KYAT1: variants seen among roughly 807,000 people sequenced by gnomAD.
KYAT1 encodes the protein kynurenine--oxoglutarate transaminase 1.
In KYAT1, 47 loss-of-function variants were observed where a neutral mutation model predicts 52.4. That is an observed-to-expected ratio of 0.90 (90% confidence interval 0.71 to 1.14). KYAT1 has a LOEUF of 1.14. Ranked by LOEUF, KYAT1 falls within the 50% of genes most tolerant of loss-of-function variation. The pLI, the probability that KYAT1 is intolerant of heterozygous loss-of-function variation, is 0.00. For missense variants in KYAT1, 480 were observed against 557.9 expected (o/e 0.86, Z 1.41); for synonymous variants, 212 against 209.6 (o/e 1.01, Z -0.10).
chr9:128,879,931 T>A (rs892515086), intron 1 of KYAT1, among the ~76,000 whole-genome samples: 1 of 152,138 alleles, frequency 6.6e-6, no homozygotes, highest in African/African-American at 2.4e-5. Flanking sequence ...CCCCCAGGCA[T>A]TAGCACAGAT....
chr9:128,864,088 C>T (rs182903468), intron 1 of KYAT1, among the ~76,000 whole-genome samples: 18 of 152,148 alleles, frequency 1.2e-4, no homozygotes, highest in Non-Finnish European at 2.4e-4. Flanking sequence ...TCAGGCCGGG[C>T]GCGGTGGCTC....
At chr9:128,867,687 A>G (rs966728400) in intron 1 of KYAT1, among the ~76,000 whole-genome samples, 2 of 152,228 alleles carry the variant, frequency 1.3e-5, no homozygotes, top group South Asian at 2.1e-4. Flanking sequence ...ACTAAAAGGA[A>G]TAAGATTGCT....
chr9:128,844,984 C>G (rs1356556786), intron 2 of KYAT1, among the ~76,000 whole-genome samples: 4 of 152,224 alleles, frequency 2.6e-5, no homozygotes, highest in Non-Finnish European at 4.4e-5. Flanking sequence ...TTATCTGACT[C>G]TATACCAAGT....
rs550753956 is a variant in KYAT1, at chr9:128,833,455, C to T, written c.*129G>A. The T allele has an allele frequency of 2.8e-5, 26 of 930,832 alleles. No individual in the cohort carries two copies. Among genetic ancestry groups the T allele is most frequent in the African/African-American group, 2.3e-4 (14 of 61,670 alleles). 57.7% of individuals were successfully genotyped at this position (930,832 alleles called of 1,614,324 possible). A position where few individuals can be genotyped will look rare whatever the true frequency, so the allele number is the denominator to read the frequency against. On this transcript the variant is annotated 3_prime_UTR_variant, in exon 13 of 13. Coordinates refer to ENST00000302586, the MANE Select transcript of KYAT1 (RefSeq NM_004059.5). Reference sequence around the variant, plus strand: ...GGCTCCCACCCAGAACATTCTGTGTCACGGAGAAGAGGTTTCCCAATAGCA... The same window carrying T: ...GGCTCCCACCCAGAACATTCTGTGTTACGGAGAAGAGGTTTCCCAATAGCA...
At chr9:128,845,727 G>A (rs899243708) in intron 1 of KYAT1, among the ~76,000 whole-genome samples, 1 of 152,196 alleles carries the variant, frequency 6.6e-6, no homozygotes, top group African/African-American at 2.4e-5. Context: ...GACTTGGCCA[G>A]GTTAAAGTCT....
rs761461352 is a variant in KYAT1, at chr9:128,835,517, C to G, written c.1006G>C (p.Gly336Arg). The change falls in exon 10 of 13, where the codon GGC (glycine) becomes CGC (arginine). Residue 336 changes from glycine to arginine, a missense_variant. Physicochemically the swap from Gly to Arg is moderately radical, Grantham distance 125. Coordinates refer to ENST00000302586, the MANE Select transcript of KYAT1 (RefSeq NM_004059.5). ...SVGLKPIIPQGSYFLITDISD... is the reference protein window; with the variant it reads ...SVGLKPIIPQRSYFLITDISD... The stretch of plus-strand genomic sequence containing the variant: ...ATGTCTGTGATGAGGAAGTAGCTGC[C>G]CTGAGGGATGATGGGCTTCAGGCCC... The G allele has an allele frequency of 1.9e-6, 3 of 1,613,652 alleles. No homozygotes were observed. Among genetic ancestry groups the G allele is most frequent in the Middle Eastern group, 1.6e-4 (1 of 6,084 alleles).
chr9:128,842,376 C>G (rs1832349632), intron 3 of KYAT1, among the ~76,000 whole-genome samples: 1 of 152,178 alleles, frequency 6.6e-6, no homozygotes, highest in Admixed American at 6.5e-5. Flanking sequence ...GCCCCCTCCC[C>G]AGGTTTCATT....
intron 1 of KYAT1, among the ~76,000 whole-genome samples, chr9:128,875,326 C>T (rs537360468): frequency 6.7e-6 from 1 of 149,344 alleles, no homozygotes; most frequent in African/African-American, 2.5e-5. Flanking sequence ...GCTGTGTGAC[C>T]TTGGCTCACT....
intron 1 of KYAT1, among the ~76,000 whole-genome samples, chr9:128,863,776 G>T (rs1411495745): frequency 6.6e-6 from 1 of 152,170 alleles, no homozygotes; most frequent in Non-Finnish European, 1.5e-5. Context: ...GCCCCTCGTG[G>T]CTTTGAGGTT....
At position 128,868,008 on chromosome 9, in the gene KYAT1, C is replaced by T. The variant is rs1318146246; in HGVS notation, c.-7+13889G>A. On this transcript the variant is annotated intron_variant, in intron 1 of 12. Coordinates refer to ENST00000302586, the MANE Select transcript of KYAT1 (RefSeq NM_004059.5). Reference sequence around the variant, plus strand: ...CAGGATGGTCTCGATCTCCTGACCTCGTGAGCCACCCGCCTTGGCCTCCCA... The same window carrying T: ...CAGGATGGTCTCGATCTCCTGACCTTGTGAGCCACCCGCCTTGGCCTCCCA... Among the ~76,000 whole-genome samples the T allele has an allele frequency of 2.0e-5, 3 of 152,100 alleles. No individual in the cohort carries two copies. The East Asian group carries it at 5.8e-4, about 29-fold the overall frequency.
intron 1 of KYAT1, among the ~76,000 whole-genome samples, chr9:128,865,318 TATATATATATATATATATATATATA>T (rs1836067933): frequency 1.7e-3 from 2 of 1,212 alleles, no homozygotes; most frequent in Admixed American, 0.026. Context: ...CATATATATA[TATATATATATATATATATATATATA>T]TATATATATA....
At chr9:128,835,280 C>T in intron 11 of KYAT1, 43 bp downstream of exon 11, 1 of 1,541,780 alleles carries the variant, frequency 6.5e-7, no homozygotes, top group South Asian at 1.1e-5. Context: ...CAGCACACAA[C>T]CTGTGAAACC....
chr9:128,873,373 A>AAT (rs1554817369), intron 1 of KYAT1, among the ~76,000 whole-genome samples: 3 of 151,646 alleles, frequency 2.0e-5, no homozygotes, highest in Non-Finnish European at 4.4e-5. Flanking sequence ...GAAAAAAAAA[A>AAT]AAAACTAATA....
Position 128,836,045 on chromosome 9 carries a change from G to C in KYAT1, c.717C>G (p.Thr239=), listed in dbSNP as rs751845037. The C allele has an allele frequency of 6.2e-7, 1 of 1,614,014 alleles. No homozygotes were observed. Among genetic ancestry groups the C allele is most frequent in the South Asian group, 1.1e-5 (1 of 91,086 alleles). ...TCTTGCCGGCGCTGCCGATGGTCAG[G>C]GTCCGTTCCCACATGCCAGGGAGGC... is the stretch of plus-strand genomic sequence containing the variant. ...IASLPGMWER[T]LTIGSAGKTF... The change falls in exon 8 of 13, where the codon ACC becomes ACG. Residue 239 remains threonine (T), a synonymous_variant. Transcript: ENST00000302586.
chr9:128,864,857 C>T (rs1348063739), intron 1 of KYAT1, among the ~76,000 whole-genome samples: 1 of 151,904 alleles, frequency 6.6e-6, no homozygotes, highest in Non-Finnish European at 1.5e-5. Context: ...GATCCGCCTG[C>T]CTAGGCCTCC....
intron 1 of KYAT1, among the ~76,000 whole-genome samples, chr9:128,880,912 C>T (rs906120455): frequency 6.6e-6 from 1 of 152,172 alleles, no homozygotes; most frequent in Non-Finnish European, 1.5e-5. Flanking sequence ...TATCTGTGCA[C>T]ATGGTAGTAA....
chr9:128,846,600 CAAAAAAAAAAAAA>C (rs57333664), intron 1 of KYAT1: 148 of 419,210 alleles, frequency 3.5e-4, no homozygotes, highest in Non-Finnish European at 4.3e-4. Context: ...AAGACTCTAC[CAAAAAAAAAAAAA>C]AAAAAAAAAA....
At chr9:128,839,928 G>A (rs1352313427) in intron 3 of KYAT1, among the ~76,000 whole-genome samples, 1 of 151,974 alleles carries the variant, frequency 6.6e-6, no homozygotes, top group Admixed American at 6.5e-5. Context: ...GTAGTATCAC[G>A]TGCCTGTAGT....
chr9:128,865,308 CATATATAT>C (rs869044608), intron 1 of KYAT1, among the ~76,000 whole-genome samples: 20 of 36,916 alleles, frequency 5.4e-4, no homozygotes, highest in East Asian at 9.3e-4. Flanking sequence ...GCAGAGCCTA[CATATATAT>C]ATATATATAT....
Sources: allele counts gnomAD v4.1 joint callset (sites outside exome capture counted in the v4.1 genomes callset), GRCh38; gene constraint gnomAD v4.1.1; transcripts MANE v1.5; gene names NCBI Gene and HGNC (gene_info 2026-07-23, HGNC 2026-07-21).